LRRC7: variants seen among roughly 807,000 people sequenced by gnomAD.
LRRC7 encodes the protein leucine rich repeat containing 7.
LRRC7 carries 23 observed loss-of-function variants against 175.7 expected under a neutral mutation model. That is an observed-to-expected ratio of 0.13 (90% CI 0.09 to 0.19). The LOEUF is 0.19. Ranked by LOEUF, LRRC7 falls within the 10% of genes least tolerant of loss-of-function variation. LRRC7 has a pLI of 1.00. For missense variants in LRRC7, 1,354 were observed against 1,904.7 expected (o/e 0.71, Z 5.38); for synonymous variants, 685 against 680.9 (o/e 1.01, Z -0.09).
At chr1:69,742,553 A>T (rs961054748) in intron 2 of LRRC7, among the ~76,000 whole-genome samples, 1 of 151,890 alleles carries the variant, frequency 6.6e-6, no homozygotes, top group African/African-American at 2.4e-5. Context: ...GCGTGCACAC[A>T]GTTATGTATG....
At chr1:69,992,276 A>G (rs1654512388) in intron 10 of LRRC7, among the ~76,000 whole-genome samples, 1 of 152,142 alleles carries the variant, frequency 6.6e-6, no homozygotes, top group African/African-American at 2.4e-5. Flanking sequence ...AATTATATTA[A>G]TGTTTAATGT....
chr1:69,973,043 A>G lies in LRRC7; in HGVS notation c.712-7336A>G, dbSNP rs567130283. Among the ~76,000 whole-genome samples, 349 of 146,252 alleles carry G rather than the reference A, an allele frequency of 2.4e-3. 1 individual carries two copies. The highest frequency in any genetic ancestry group is 7.8e-3 in the African/African-American group (314 of 40,286). On this transcript the variant is annotated intron_variant, in intron 8 of 26. Coordinates refer to ENST00000651989, the MANE Select transcript of LRRC7 (RefSeq NM_001370785.2). ...ATATATAAATACTACTATATATAGT[A>G]TATATAATACTATATATATAAAGTA...
intron 2 of LRRC7, among the ~76,000 whole-genome samples, chr1:69,711,829 C>T (rs1234178087): frequency 1.3e-5 from 2 of 152,134 alleles, no homozygotes; most frequent in African/African-American, 4.8e-5. Flanking sequence ...GACTTTTAAC[C>T]GTACTTTCCA....
chr1:69,781,909 AAAAG>A (rs1340412223), intron 3 of LRRC7, among the ~76,000 whole-genome samples: 3 of 138,298 alleles, frequency 2.2e-5, no homozygotes, highest in Non-Finnish European at 4.7e-5. Flanking sequence ...GAAAGAAAGA[AAAAG>A]AAGAAAGAAA....
At chr1:69,770,736 G>T (rs1340771) in intron 3 of LRRC7, among the ~76,000 whole-genome samples, 88,397 of 151,990 alleles carry the variant, frequency 0.58, 25,870 homozygotes, top group East Asian at 0.77. Context: ...TTCCCTTAAG[G>T]GTTTGTCTTT....
chr1:69,573,854 T>C (rs550074578), intron 1 of LRRC7, among the ~76,000 whole-genome samples: 107 of 152,304 alleles, frequency 7.0e-4, no homozygotes, highest in Non-Finnish European at 1.3e-3. Flanking sequence ...GGATGAAGCA[T>C]TGAAATGTCT....
At chr1:69,922,751 G>A (rs1284534200) in intron 7 of LRRC7, among the ~76,000 whole-genome samples, 1 of 151,616 alleles carries the variant, frequency 6.6e-6, no homozygotes, top group Non-Finnish European at 1.5e-5. Flanking sequence ...GGCTTTTGTC[G>A]CAATTGGTCA....
intron 2 of LRRC7, among the ~76,000 whole-genome samples, chr1:69,698,682 C>T (rs995691299): frequency 2.0e-5 from 3 of 152,154 alleles, no homozygotes; most frequent in Non-Finnish European, 4.4e-5. Flanking sequence ...TTTCATGACA[C>T]AATTAAGATG....
At chr1:69,808,571 T>G (rs1570041257) in intron 4 of LRRC7, among the ~76,000 whole-genome samples, 1 of 152,032 alleles carries the variant, frequency 6.6e-6, no homozygotes, top group Non-Finnish European at 1.5e-5. Context: ...TCTCTCAGAC[T>G]ACAGTGCAAT....
intron 7 of LRRC7, among the ~76,000 whole-genome samples, chr1:69,913,868 G>A (rs2101710800): frequency 6.6e-6 from 1 of 152,196 alleles, no homozygotes; most frequent in Admixed American, 6.5e-5. Flanking sequence ...TTCAGTAACT[G>A]TGCTGTAAAG....
At chr1:69,896,831 C>T (rs1470583578) in intron 7 of LRRC7, among the ~76,000 whole-genome samples, 1 of 152,062 alleles carries the variant, frequency 6.6e-6, no homozygotes, top group Admixed American at 6.5e-5. Flanking sequence ...AGTAGATATT[C>T]CATGGACCCT....
intron 4 of LRRC7, among the ~76,000 whole-genome samples, chr1:69,792,748 A>C (rs575090154): frequency 2.0e-5 from 3 of 152,182 alleles, no homozygotes; most frequent in African/African-American, 7.2e-5. Flanking sequence ...ATAGGAATTT[A>C]GTAGTTTTTG....
chr1:70,043,889 A>G (rs1452097050), intron 21 of LRRC7, 65 bp from the exon 22 acceptor site: 1 of 1,504,956 alleles, frequency 6.6e-7, no homozygotes, highest in Non-Finnish European at 9.0e-7. Context: ...AAACATGTTC[A>G]TGTAATTTAT....
chr1:69,916,668 G>A (rs1165371019), intron 7 of LRRC7, among the ~76,000 whole-genome samples: 1 of 151,956 alleles, frequency 6.6e-6, no homozygotes, highest in African/African-American at 2.4e-5. Context: ...AAATATTCTA[G>A]AATTCCAGCT....
At chr1:69,698,591 C>T (rs747087690) in intron 2 of LRRC7, among the ~76,000 whole-genome samples, 7 of 152,234 alleles carry the variant, frequency 4.6e-5, no homozygotes, top group Non-Finnish European at 1.0e-4. Flanking sequence ...TACCCTTCCT[C>T]ACCCCTGCAA....
chr1:69,777,693 C>T (rs79523768), intron 3 of LRRC7, among the ~76,000 whole-genome samples: 8,551 of 152,232 alleles, frequency 0.056, 307 homozygotes, highest in East Asian at 0.13. Flanking sequence ...ATTTGTTCAG[C>T]TTCCACATCA....
At chr1:69,650,861 C>T (rs1250891245) in intron 1 of LRRC7, among the ~76,000 whole-genome samples, 3 of 152,152 alleles carry the variant, frequency 2.0e-5, no homozygotes, top group Non-Finnish European at 2.9e-5. Context: ...TTGGCACTGT[C>T]GATAGCTTAC....
At chr1:69,726,465 G>C (rs1475561912) in intron 2 of LRRC7, among the ~76,000 whole-genome samples, 1 of 152,186 alleles carries the variant, frequency 6.6e-6, no homozygotes, top group Non-Finnish European at 1.5e-5. Flanking sequence ...ACTGGTCATA[G>C]TGTAAAGGAT....
chr1:69,781,710 A>AG (rs1365275226), intron 3 of LRRC7, among the ~76,000 whole-genome samples: 1 of 30,062 alleles, frequency 3.3e-5, no homozygotes, highest in East Asian at 1.6e-3. Context: ...AAAGAAAGAA[A>AG]GAAAGAAAGA....
Sources: gnomAD v4.1 joint callset for allele counts (sites outside exome capture counted in the v4.1 genomes callset) on GRCh38, gnomAD v4.1.1 for gene constraint, MANE v1.5 for transcripts, NCBI Gene and HGNC (gene_info 2026-07-23, HGNC 2026-07-21) for gene names.